RHOBTB2: variants seen among roughly 807,000 people sequenced by gnomAD.
RHOBTB2 encodes Rho related BTB domain containing 2, also known as rho-related BTB domain-containing protein 2.
A neutral mutation model predicts 66.5 loss-of-function variants in RHOBTB2; 39 were observed. That is an observed-to-expected ratio of 0.59 (90% CI 0.45 to 0.77). The LOEUF (loss-of-function observed/expected upper bound fraction) is 0.77, where lower values mean the gene tolerates loss of function less well. RHOBTB2 is among the 30% of genes least tolerant of loss of function. RHOBTB2 has a pLI of 0.00. For missense variants in RHOBTB2, 755 were observed against 999.1 expected (o/e 0.76, Z 3.29); for synonymous variants, 390 against 395.0 (o/e 0.99, Z 0.15).
At chr8:22,956,873 T>A in the RHOBTB2 span, among the ~76,000 whole-genome samples, 1 of 152,216 alleles carries the variant, frequency 6.6e-6, no homozygotes, top group Non-Finnish European at 1.5e-5. Flanking sequence ...TTGGTCAGGC[T>A]GGTCTTGAAT....
chr8:22,982,512 C>T (rs1450030626), upstream of RHOBTB2, among the ~76,000 whole-genome samples: 1 of 152,148 alleles, frequency 6.6e-6, no homozygotes, highest in Admixed American at 6.5e-5. Context: ...ACCCCAGCTA[C>T]TCAGGAGGTT....
intron 8 of RHOBTB2, 74 bp from the exon 9 acceptor site, chr8:23,015,564 G>C: frequency 9.7e-7 from 1 of 1,026,780 alleles, no homozygotes; most frequent in Non-Finnish European, 1.5e-6. Flanking sequence ...CAGCTCTGAA[G>C]GCAGCTGGAG....
At chr8:22,964,019 G>T in the RHOBTB2 span, among the ~76,000 whole-genome samples, 1 of 152,128 alleles carries the variant, frequency 6.6e-6, no homozygotes, top group Non-Finnish European at 1.5e-5. Context: ...GACCTCAGGT[G>T]ATCCACCCAC....
the RHOBTB2 span, among the ~76,000 whole-genome samples, chr8:22,981,328 G>A: frequency 2.6e-5 from 4 of 152,124 alleles, no homozygotes; most frequent in African/African-American, 9.7e-5. Context: ...TTAAACCTAG[G>A]CTGAATTTTA....
the RHOBTB2 span, among the ~76,000 whole-genome samples, chr8:22,971,168 C>T: frequency 6.9e-6 from 1 of 143,908 alleles, no homozygotes; most frequent in Non-Finnish European, 1.5e-5. Flanking sequence ...TTACTTCTCT[C>T]TTTCCCTTTT....
intron 6 of RHOBTB2, among the ~76,000 whole-genome samples, chr8:23,009,826 G>A (rs1466205931): frequency 6.6e-6 from 1 of 152,120 alleles, no homozygotes; most frequent in African/African-American, 2.4e-5. Context: ...AGCCCCAGGG[G>A]CCTGCCAGCC....
At chr8:23,014,150 A>T (rs1376037619) in intron 7 of RHOBTB2, among the ~76,000 whole-genome samples, 1 of 152,254 alleles carries the variant, frequency 6.6e-6, no homozygotes, top group African/African-American at 2.4e-5. Flanking sequence ...TAAAGATAAG[A>T]TACCTCATGA....
the RHOBTB2 span, among the ~76,000 whole-genome samples, chr8:22,953,327 C>T: frequency 6.6e-6 from 1 of 151,612 alleles, no homozygotes; most frequent in Non-Finnish European, 1.5e-5. Context: ...TGTTGACAGA[C>T]TGCCTTTCCC....
chr8:23,004,643 ACCTGGCT>A lies in RHOBTB2; in HGVS notation c.192+18_192+24del. 1 of 1,604,236 alleles carries A rather than the reference ACCTGGCT, an allele frequency of 6.2e-7. No individual in the cohort carries two copies. The highest frequency in any genetic ancestry group is 8.5e-7 in the Non-Finnish European group (1 of 1,175,672). On this transcript the variant is annotated intron_variant, in intron 2 of 9. Coordinates refer to ENST00000251822, the MANE Select transcript of RHOBTB2 (RefSeq NM_015178.3). The surrounding 1 kb of genome is among the most constrained non-coding windows in gnomAD (Gnocchi z 6.4). ...TGCCAGGAGGTAAGGCTGCAGGACT[ACCTGGCT>A]GGGGGTCCACGCCATGAGTCTGGGC...
At chr8:22,972,879 G>A in the RHOBTB2 span, among the ~76,000 whole-genome samples, 2 of 152,032 alleles carry the variant, frequency 1.3e-5, no homozygotes, top group South Asian at 4.2e-4. Context: ...TTTCCTTCTC[G>A]GCTTCATCCC....
In RHOBTB2 at chr8:22,999,741, G is replaced by T; in HGVS notation, c.-375G>T. On this transcript the variant is annotated 5_prime_UTR_variant, in exon 1 of 10. Coordinates refer to ENST00000251822, the MANE Select transcript of RHOBTB2 (RefSeq NM_015178.3). ...TTCGCCGCGGGCCCGGGCGCGTAGC[G>T]GCGGCGGCCTCGCCCCTCTCCCGGC... 1 of 1,079,150 alleles carries T rather than the reference G, an allele frequency of 9.3e-7. No individual in the cohort carries two copies. The highest frequency in any genetic ancestry group is 1.1e-6 in the Non-Finnish European group (1 of 884,218). 66.8% of individuals were successfully genotyped at this position (1,079,150 alleles called of 1,614,324 possible). A position where few individuals can be genotyped will look rare whatever the true frequency, so the allele number is the denominator to read the frequency against.
chr8:22,990,028 T>A (rs1161736233), intron 1 of RHOBTB2, among the ~76,000 whole-genome samples: 1 of 152,110 alleles, frequency 6.6e-6, no homozygotes, highest in Non-Finnish European at 1.5e-5. Context: ...TGCAGCACAA[T>A]CCCGGGCATG....
the RHOBTB2 span, among the ~76,000 whole-genome samples, chr8:22,974,998 GGACATCTCTTTCCAGGGCCTA>G: frequency 3.3e-5 from 5 of 152,010 alleles, no homozygotes; most frequent in Non-Finnish European, 5.9e-5. Flanking sequence ...TCATCTCCCT[GGACATCTCTTTCCAGGGCCTA>G]GACATCTCTT....
In RHOBTB2 at chr8:23,006,995, C is replaced by T. The variant is rs779763497; in HGVS notation, c.750C>T (p.Ser250=). The change falls in exon 5 of 10, where the codon TCC becomes TCT. Residue 250 remains serine, a synonymous_variant. Coordinates refer to ENST00000251822, the MANE Select transcript of RHOBTB2 (RefSeq NM_015178.3). This position sits in a 1 kb window ranked among gnomAD's most constrained non-coding sequence, Gnocchi z 6.1. ...TCATCGTGGTGCCCGACCCTCCCTC[C>T]AGCAGCGAGGAGTGCCCCGCCCACC... ...PPIIVVPDPP[S]SSEECPAHLL... The T allele has an allele frequency of 8.1e-6, 13 of 1,610,074 alleles. No homozygotes were observed. The highest frequency in any genetic ancestry group is 1.1e-5 in the Non-Finnish European group (13 of 1,179,752).
upstream of RHOBTB2, chr8:22,995,695 G>C: frequency 1.4e-6 from 1 of 692,572 alleles, no homozygotes; most frequent in East Asian, 2.7e-5. Flanking sequence ...CTGGGGCTCT[G>C]CATCTTGAAA....
upstream of RHOBTB2, chr8:22,999,056 C>G (rs1810669035): frequency 6.6e-6 from 1 of 152,368 alleles, no homozygotes; most frequent in Non-Finnish European, 1.5e-5. Flanking sequence ...CATTAAGGGC[C>G]ATGGAGGGAG....
chr8:22,956,346 T>G, the RHOBTB2 span, among the ~76,000 whole-genome samples: 34 of 152,300 alleles, frequency 2.2e-4, no homozygotes, highest in Admixed American at 5.2e-4. Context: ...TGGGGCCTGG[T>G]GGGAGGTAAT....
the RHOBTB2 span, among the ~76,000 whole-genome samples, chr8:22,980,252 G>T: frequency 6.6e-6 from 1 of 152,262 alleles, no homozygotes; most frequent in South Asian, 2.1e-4. Context: ...CATCTGATTA[G>T]TTTCCAGATA....
At chr8:22,977,173 A>G in the RHOBTB2 span, among the ~76,000 whole-genome samples, 3 of 152,346 alleles carry the variant, frequency 2.0e-5, no homozygotes, top group Non-Finnish European at 2.9e-5. Context: ...TCAATGAAGA[A>G]CAAAAGCTTC....
Sources: allele counts gnomAD v4.1 joint callset (sites outside exome capture counted in the v4.1 genomes callset), GRCh38; gene constraint gnomAD v4.1.1; non-coding constraint Gnocchi (gnomAD v3.1); transcripts MANE v1.5; gene names NCBI Gene and HGNC (gene_info 2026-07-23, HGNC 2026-07-21).